The following CSMD1 variants were observed in gnomAD, a reference collection of about 807,000 sequenced individuals.
CSMD1 encodes the protein CUB and sushi domain-containing protein 1.
A neutral mutation model predicts 417.5 loss-of-function variants in CSMD1; 213 were observed. The observed-to-expected ratio is 0.51, with a 90% CI of 0.46 to 0.57. The LOEUF is 0.57. CSMD1 is among the 20% of genes least tolerant of loss of function. CSMD1 has a pLI of 0.00. For synonymous variants in CSMD1, 2,862 were observed against 1,736.8 expected (o/e 1.65, Z -16.11); for missense variants, 6,923 against 4,529.7 (o/e 1.53, Z -15.17).
intron 19 of CSMD1, among the ~76,000 whole-genome samples, chr8:3,368,533 T>G (rs1007906308): frequency 1.3e-5 from 2 of 152,136 alleles, no homozygotes; most frequent in Non-Finnish European, 2.9e-5. Context: ...GAGACAAGGT[T>G]CCACCATATT....
intron 2 of CSMD1, among the ~76,000 whole-genome samples, chr8:4,613,860 CAAAAA>C (rs60679775): frequency 3.2e-5 from 4 of 123,658 alleles, no homozygotes; most frequent in African/African-American, 1.1e-4. Context: ...TGTCTAATGC[CAAAAA>C]AAAAAAAAAA....
At chr8:3,027,427 G>T (rs919355484) in intron 51 of CSMD1, among the ~76,000 whole-genome samples, 23 of 152,310 alleles carry the variant, frequency 1.5e-4, no homozygotes, top group African/African-American at 5.3e-4. Flanking sequence ...ATGTTAGAGG[G>T]ACCAAATGAA....
intron 3 of CSMD1, among the ~76,000 whole-genome samples, chr8:4,235,432 T>C (rs1277852034): frequency 6.6e-6 from 1 of 152,160 alleles, no homozygotes; most frequent in African/African-American, 2.4e-5. Flanking sequence ...AAAGGCTATG[T>C]AGTATGCCAT....
chr8:4,374,961 T>TGGGG, intron 3 of CSMD1, among the ~76,000 whole-genome samples: 1 of 18,880 alleles, frequency 5.3e-5, no homozygotes, highest in East Asian at 1.9e-3. Context: ...AAAGGTGGGG[T>TGGGG]GGGGGGGGGG....
intron 2 of CSMD1, among the ~76,000 whole-genome samples, chr8:4,452,180 C>T (rs13278525): frequency 0.36 from 54,304 of 151,832 alleles, 10,262 homozygotes; most frequent in Middle Eastern, 0.47. Flanking sequence ...TCCTTCTCTT[C>T]GCTTAGTGCA....
chr8:4,869,500 C>T (rs1371663398), intron 1 of CSMD1, among the ~76,000 whole-genome samples: 1 of 151,962 alleles, frequency 6.6e-6, no homozygotes, highest in African/African-American at 2.4e-5. Context: ...AGTTTAAACT[C>T]AAGGTAGTTG....
intron 26 of CSMD1, among the ~76,000 whole-genome samples, chr8:3,259,916 T>C (rs983289897): frequency 1.3e-5 from 2 of 152,298 alleles, no homozygotes; most frequent in South Asian, 4.1e-4. Flanking sequence ...TGACCACTCA[T>C]ACATGCGTTG....
At chr8:4,270,167 G>C (rs561270667) in intron 3 of CSMD1, among the ~76,000 whole-genome samples, 95 of 152,302 alleles carry the variant, frequency 6.2e-4, no homozygotes, top group African/African-American at 2.2e-3. Context: ...ACTTGAAGGA[G>C]GCAAGCGGTT....
At chr8:3,349,799 A>C (rs1394975584) in intron 21 of CSMD1, among the ~76,000 whole-genome samples, 2 of 95,474 alleles carry the variant, frequency 2.1e-5, no homozygotes, top group Non-Finnish European at 4.3e-5. Flanking sequence ...ATATATCTAT[A>C]AATAGATATA....
chr8:3,944,206 A>G (rs1376946606), intron 5 of CSMD1, among the ~76,000 whole-genome samples: 1 of 152,176 alleles, frequency 6.6e-6, no homozygotes, highest in East Asian at 1.9e-4. Flanking sequence ...TTGAAAATAA[A>G]AAGTTAAGAA....
chr8:4,047,220 C>T (rs1798193338), intron 3 of CSMD1, among the ~76,000 whole-genome samples: 1 of 152,102 alleles, frequency 6.6e-6, no homozygotes. Flanking sequence ...GTATTTCAGT[C>T]TGACTCTAGT....
intron 3 of CSMD1, among the ~76,000 whole-genome samples, chr8:4,075,214 T>C (rs1799758976): frequency 2.0e-5 from 3 of 152,186 alleles, no homozygotes; most frequent in African/African-American, 4.8e-5. Flanking sequence ...TAATATTTCA[T>C]TCTAGTATGT....
chr8:4,662,809 C>T (rs909645098), intron 1 of CSMD1, among the ~76,000 whole-genome samples: 1 of 152,230 alleles, frequency 6.6e-6, no homozygotes, highest in Non-Finnish European at 1.5e-5. Flanking sequence ...AGGTGACAAA[C>T]GAGTGCCCAC....
intron 12 of CSMD1, among the ~76,000 whole-genome samples, chr8:3,439,475 G>C (rs962010716): frequency 7.5e-6 from 1 of 133,048 alleles, no homozygotes; most frequent in African/African-American, 2.8e-5. Flanking sequence ...TCCTAACTCT[G>C]TGACTCTGTG....
chr8:3,588,341 C>A (rs1222920528), intron 8 of CSMD1, among the ~76,000 whole-genome samples: 2 of 146,932 alleles, frequency 1.4e-5, no homozygotes, highest in Non-Finnish European at 3.0e-5. Context: ...AGTCATAAAG[C>A]ACCATGAAGA....
intron 3 of CSMD1, among the ~76,000 whole-genome samples, chr8:4,353,513 T>C (rs1041614918): frequency 3.3e-5 from 5 of 152,070 alleles, no homozygotes; most frequent in African/African-American, 1.2e-4. Flanking sequence ...ATCCACTGCA[T>C]ATGATCTCAA....
intron 3 of CSMD1, among the ~76,000 whole-genome samples, chr8:4,178,729 A>G (rs1563230147): frequency 6.6e-6 from 1 of 152,236 alleles, no homozygotes; most frequent in Non-Finnish European, 1.5e-5. Flanking sequence ...CAACTTCAGC[A>G]AAGTCTCAGG....
intron 5 of CSMD1, among the ~76,000 whole-genome samples, chr8:3,809,359 A>G (rs538918912): frequency 6.6e-6 from 1 of 152,318 alleles, no homozygotes; most frequent in Non-Finnish European, 1.5e-5. Flanking sequence ...GCACTTGTTT[A>G]TCACTGTTCT....
chr8:3,789,085 C>T (rs867794065), intron 5 of CSMD1, among the ~76,000 whole-genome samples: 1 of 152,144 alleles, frequency 6.6e-6, no homozygotes, highest in Admixed American at 6.5e-5. Context: ...TAAGCACCAA[C>T]ATGGGGGGAT....
Sources: gnomAD v4.1 joint callset for allele counts (sites outside exome capture counted in the v4.1 genomes callset) on GRCh38, gnomAD v4.1.1 for gene constraint, MANE v1.5 for transcripts, NCBI Gene and HGNC (gene_info 2026-07-23, HGNC 2026-07-21) for gene names.